Variants in NEGR1 observed in about 807,000 individuals in gnomAD.
NEGR1 encodes IgLON family member 4.
Under a neutral mutation model 40.9 loss-of-function variants are expected in NEGR1, and 10 were observed. That is an observed-to-expected ratio of 0.24 (90% CI 0.15 to 0.42). NEGR1 has a LOEUF of 0.42. Among genes scored for constraint, NEGR1 ranks in the 10% least tolerant of loss-of-function variants. NEGR1 has a pLI of 1.00. For missense variants in NEGR1, 352 were observed against 438.9 expected, an observed-to-expected ratio of 0.80 and a Z score of 1.77; for synonymous variants, 185 against 166.8, an observed-to-expected ratio of 1.11 and a Z score of -0.84.
At chr1:72,175,313 C>T (rs1279626393) in intron 1 of NEGR1, among the ~76,000 whole-genome samples, 1 of 151,998 alleles carries the variant, frequency 6.6e-6, no homozygotes, top group Non-Finnish European at 1.5e-5. Context: ...ACAAATTTTC[C>T]AGAAGCTATC....
At chr1:71,594,374 T>C (rs1053653965) in intron 5 of NEGR1, among the ~76,000 whole-genome samples, 7 of 152,176 alleles carry the variant, frequency 4.6e-5, no homozygotes, top group Admixed American at 6.5e-5. Context: ...AGAGTTCAAT[T>C]TGAACTCCTT....
chr1:71,930,347 T>C (rs1026725001), intron 2 of NEGR1, among the ~76,000 whole-genome samples: 4 of 152,206 alleles, frequency 2.6e-5, no homozygotes, highest in Admixed American at 6.5e-5. Context: ...AGTTTTAACC[T>C]ATGAACTATG....
chr1:71,887,190 C>T (rs993379463), intron 2 of NEGR1, among the ~76,000 whole-genome samples: 1 of 152,034 alleles, frequency 6.6e-6, no homozygotes, highest in African/African-American at 2.4e-5. Flanking sequence ...GGAAGTGGAT[C>T]ATCATAAAAA....
At chr1:71,787,858 C>A (rs550048126) in intron 2 of NEGR1, among the ~76,000 whole-genome samples, 1 of 152,142 alleles carries the variant, frequency 6.6e-6, no homozygotes, top group Non-Finnish European at 1.5e-5. Context: ...ACTATTTTGG[C>A]TTTGAAAGAC....
chr1:71,929,556 C>A (rs190805685), intron 2 of NEGR1, among the ~76,000 whole-genome samples: 233 of 152,178 alleles, frequency 1.5e-3, no homozygotes, highest in Admixed American at 5.3e-3. Flanking sequence ...ATTATTGCAT[C>A]CAGACAATGA....
intron 1 of NEGR1, among the ~76,000 whole-genome samples, chr1:71,958,210 C>T (rs1265199287): frequency 6.6e-6 from 1 of 152,152 alleles, no homozygotes; most frequent in Non-Finnish European, 1.5e-5. Flanking sequence ...TGCCTTGTAG[C>T]CTTCCCTTTC....
At chr1:71,958,904 G>A (rs911980161) in intron 1 of NEGR1, among the ~76,000 whole-genome samples, 2 of 149,522 alleles carry the variant, frequency 1.3e-5, no homozygotes, top group Non-Finnish European at 3.0e-5. Flanking sequence ...GCAGTAAGCC[G>A]AGATTGTGCC....
At chr1:71,420,451 A>C (rs1457058068) in intron 6 of NEGR1, among the ~76,000 whole-genome samples, 1 of 152,076 alleles carries the variant, frequency 6.6e-6, no homozygotes, top group African/African-American at 2.4e-5. Context: ...AAAGATGAAC[A>C]ATACCTAATT....
At chr1:72,201,921 T>C (rs1486132546) in intron 1 of NEGR1, among the ~76,000 whole-genome samples, 2 of 151,962 alleles carry the variant, frequency 1.3e-5, no homozygotes, top group Non-Finnish European at 2.9e-5. Flanking sequence ...TTTTCTTTGT[T>C]ATGCTTTGCA....
intron 6 of NEGR1, among the ~76,000 whole-genome samples, chr1:71,519,856 A>C (rs1311485120): frequency 1.3e-5 from 2 of 151,992 alleles, no homozygotes; most frequent in African/African-American, 2.4e-5. Flanking sequence ...GATGTGTAGG[A>C]ATACATTTTA....
In NEGR1 at chr1:71,822,988, G is replaced by A. The variant is rs539448664; in HGVS notation, c.410-46691C>T. On this transcript the variant is annotated intron_variant, in intron 2 of 6. Transcript: ENST00000357731. Reference sequence around the variant, plus strand: ...AGAGAGTGCCATCCTCCAAAATCTAGAACATGCATTCAATCAAAGACCTTT... The same window carrying A: ...AGAGAGTGCCATCCTCCAAAATCTAAAACATGCATTCAATCAAAGACCTTT... Among the ~76,000 whole-genome samples, 7 of 152,086 alleles carry A rather than the reference G, an allele frequency of 4.6e-5. No homozygotes were observed. In the South Asian group the frequency reaches 1.0e-3, roughly 23 times the overall value.
chr1:71,614,887 A>G (rs944513311), intron 4 of NEGR1, among the ~76,000 whole-genome samples: 1 of 152,080 alleles, frequency 6.6e-6, no homozygotes. Context: ...TTAAAGGGAC[A>G]TGATCCTGTT....
chr1:71,920,143 G>A (rs1259257209), intron 2 of NEGR1, among the ~76,000 whole-genome samples: 1 of 152,184 alleles, frequency 6.6e-6, no homozygotes, highest in Admixed American at 6.5e-5. Context: ...CCAGCTCCGA[G>A]GAGCTGTACA....
chr1:71,958,773 G>A (rs1457897470), intron 1 of NEGR1, among the ~76,000 whole-genome samples: 2 of 152,038 alleles, frequency 1.3e-5, no homozygotes, highest in African/African-American at 4.8e-5. Context: ...CCAACATAGT[G>A]AAACCCCATC....
chr1:71,844,285 G>A (rs1429934242), intron 2 of NEGR1, among the ~76,000 whole-genome samples: 1 of 152,098 alleles, frequency 6.6e-6, no homozygotes, highest in Non-Finnish European at 1.5e-5. Context: ...TATGAAGTGG[G>A]CCTTCCTTTG....
chr1:72,147,490 C>G (rs1001356801), intron 1 of NEGR1, among the ~76,000 whole-genome samples: 1 of 152,096 alleles, frequency 6.6e-6, no homozygotes, highest in African/African-American at 2.4e-5. Flanking sequence ...CTGGGACATA[C>G]CATGCAAGTT....
At chr1:71,557,365 A>G (rs1648286702) in intron 6 of NEGR1, among the ~76,000 whole-genome samples, 1 of 151,630 alleles carries the variant, frequency 6.6e-6, no homozygotes, top group Admixed American at 6.6e-5. Flanking sequence ...TTCCAGACAA[A>G]TGTTAGCTTT....
intron 6 of NEGR1, among the ~76,000 whole-genome samples, chr1:71,506,348 G>A (rs1047583974): frequency 1.3e-5 from 2 of 152,020 alleles, no homozygotes; most frequent in Non-Finnish European, 2.9e-5. Context: ...ACTCAAACTT[G>A]GGGAGGGAAG....
chr1:72,112,384 T>A (rs1221419671), intron 1 of NEGR1, among the ~76,000 whole-genome samples: 2 of 151,714 alleles, frequency 1.3e-5, no homozygotes, highest in Non-Finnish European at 2.9e-5. Context: ...ATTTCATTTT[T>A]TCCAAAATTT....
Sources: allele counts gnomAD v4.1 joint callset (sites outside exome capture counted in the v4.1 genomes callset), GRCh38; gene constraint gnomAD v4.1.1; transcripts MANE v1.5; gene names NCBI Gene and HGNC (gene_info 2026-07-23, HGNC 2026-07-21).